MYH11: variants seen among roughly 807,000 people sequenced by gnomAD.
MYH11 encodes the protein myosin heavy chain 11, also known as myosin-11.
In MYH11, 80 loss-of-function variants were observed where a neutral mutation model predicts 246.6. The ratio of observed to expected loss-of-function variants is 0.32; its 90% CI spans 0.27 to 0.39. The LOEUF is 0.39. Among genes scored for constraint, MYH11 ranks in the 10% least tolerant of loss-of-function variants. The pLI is 1.00. For missense variants in MYH11, 2,158 were observed against 2,546.8 expected, an observed-to-expected ratio of 0.85 and a Z score of 3.29; for synonymous variants, 1,071 against 1,015.5, an observed-to-expected ratio of 1.05 and a Z score of -1.04.
intron 16 of MYH11, chr16:15,749,797 C>A: frequency 2.3e-6 from 1 of 438,988 alleles, no homozygotes; most frequent in African/African-American, 2.0e-5. Context: ...ATGCCTGCAC[C>A]AGATTATGAG....
In MYH11 at chr16:15,771,435, CTT is replaced by C. The variant is rs200813930; in HGVS notation, c.1033+132_1033+133del. On this transcript the variant is annotated intron_variant, in intron 9 of 40. Coordinates refer to ENST00000300036, the MANE Select transcript of MYH11 (RefSeq NM_002474.3). ...ACCTAGAATAAAATTCATTTTCCTC[CTT>C]TTTTTTTTTTTTTTTTAATGGAAGG... is the stretch of plus-strand genomic sequence containing the variant. The C allele has an allele frequency of 0.1, 68,658 of 674,004 alleles. 684 individuals carry two copies. The highest frequency in any genetic ancestry group is 0.2 in the African/African-American group (9,828 of 49,956). The allele number at this position is 674,004 out of a possible 1,614,324, so 41.8% of individuals were successfully genotyped here. A position where few individuals can be genotyped will look rare whatever the true frequency, so the allele number is the denominator to read the frequency against.
At chr16:15,810,169 G>A (rs891949564) in intron 3 of MYH11, among the ~76,000 whole-genome samples, 4 of 151,756 alleles carry the variant, frequency 2.6e-5, no homozygotes, top group African/African-American at 9.7e-5. Flanking sequence ...GAGTAGCTGG[G>A]ATTATAGTCG....
chr16:15,801,841 A>C (rs1467480773), intron 3 of MYH11, among the ~76,000 whole-genome samples: 1 of 150,718 alleles, frequency 6.6e-6, no homozygotes, highest in Non-Finnish European at 1.5e-5. Flanking sequence ...CCTGTAATCC[A>C]AGGTACTCCG....
chr16:15,836,986 G>C (rs1044860868), intron 2 of MYH11, among the ~76,000 whole-genome samples: 6 of 151,958 alleles, frequency 3.9e-5, no homozygotes, highest in African/African-American at 1.4e-4. Context: ...TGGCCTCCCA[G>C]CGTGCTGGGA....
At chr16:15,820,559 C>T (rs1040951545) in intron 3 of MYH11, among the ~76,000 whole-genome samples, 3 of 151,242 alleles carry the variant, frequency 2.0e-5, no homozygotes, top group Admixed American at 1.3e-4. Context: ...ACGCTAAGAC[C>T]ACAGGGGCTT....
chr16:15,726,669 G>T (rs1282645412), intron 28 of MYH11, 179 bp downstream of exon 28: 5 of 767,128 alleles, frequency 6.5e-6, no homozygotes, highest in South Asian at 6.3e-5. Flanking sequence ...TGCCTGGCCA[G>T]AAGGTTTTTT....
chr16:15,777,775 T>C (rs1246738138), intron 7 of MYH11, among the ~76,000 whole-genome samples: 1 of 152,140 alleles, frequency 6.6e-6, no homozygotes, highest in African/African-American at 2.4e-5. Context: ...CTGTGCATAT[T>C]ATTATGCATA....
At position 15,829,184 on chromosome 16, in the gene MYH11, G is replaced by GA. The variant is rs34486570; in HGVS notation, c.346-5774dup. On this transcript the variant is annotated intron_variant, in intron 2 of 40. Transcript: ENST00000300036. ...GGTGACAAAGTGAGACTGTCTCAAAGAAAAAAAAAAAAAGAATAAAATGAA... is the reference window on the plus strand; with the variant it reads ...GGTGACAAAGTGAGACTGTCTCAAAGAAAAAAAAAAAAAAGAATAAAATGAA... 1.2e-3 allele frequency among the ~76,000 whole-genome samples: 150 copies of GA among 125,002 alleles called. 1 individual carries two copies. Among genetic ancestry groups the GA allele is most frequent in the Admixed American group, 5.7e-3 (72 of 12,642 alleles). The allele number at this position is 125,002 out of a possible 152,430, so 82.0% of individuals were successfully genotyped here. A position where few individuals can be genotyped will look rare whatever the true frequency, so the allele number is the denominator to read the frequency against.
intron 9 of MYH11, among the ~76,000 whole-genome samples, chr16:15,768,909 GC>G (rs1355991840): frequency 1.3e-5 from 2 of 152,158 alleles, no homozygotes; most frequent in Non-Finnish European, 1.5e-5. Flanking sequence ...ACTTTGGGAG[GC>G]CAAGGTGGGC....
intron 38 of MYH11, among the ~76,000 whole-genome samples, chr16:15,715,599 G>A (rs2040083429): frequency 6.6e-6 from 1 of 152,158 alleles, no homozygotes; most frequent in African/African-American, 2.4e-5. Flanking sequence ...GGGACTGAAG[G>A]GAGTGGTTAC....
At chr16:15,768,465 T>C (rs756046675) in intron 9 of MYH11, among the ~76,000 whole-genome samples, 21 of 152,084 alleles carry the variant, frequency 1.4e-4, no homozygotes, top group Admixed American at 1.2e-3. Context: ...CCCTTCTCCA[T>C]AGGCCCCTTG....
rs878854164 is a variant in MYH11, at chr16:15,741,481, C to A, written c.2841G>T (p.Lys947Asn). 3 of 1,608,538 alleles carry A rather than the reference C, an allele frequency of 1.9e-6. No homozygotes were observed. The highest frequency in any genetic ancestry group is 2.5e-6 in the Non-Finnish European group (3 of 1,179,998). Reference protein sequence around the residue: ...RGQQLQAERKKMAQQMLDLEE... With the variant: ...RGQQLQAERKNMAQQMLDLEE... Reference sequence around the variant, plus strand: ...ACCTTACCAGCATCTGCTGGGCCATCTTCTTCCTTTCAGCCTGTAGCTGCT... The same window carrying A: ...ACCTTACCAGCATCTGCTGGGCCATATTCTTCCTTTCAGCCTGTAGCTGCT... Residue 947 changes from lysine to asparagine, a missense_variant, in exon 22 of 41, where the codon AAG (lysine) becomes AAT (asparagine). By Grantham distance (94) the Lys-to-Asn change is moderately conservative (BLOSUM62 0). Transcript: ENST00000300036.
chr16:15,745,332 C>G (rs143192875), intron 19 of MYH11, 95 bp from the exon 20 acceptor site: 2 of 835,796 alleles, frequency 2.4e-6, no homozygotes, highest in Non-Finnish European at 4.0e-6. Context: ...TGCACAGGGA[C>G]ATGCCCCAAT....
At chr16:15,790,138 C>T (rs888762711) in intron 4 of MYH11, among the ~76,000 whole-genome samples, 1 of 152,134 alleles carries the variant, frequency 6.6e-6, no homozygotes, top group African/African-American at 2.4e-5. Flanking sequence ...AACCCTGTCT[C>T]TACTAAAAAT....
chr16:15,712,060 C>G (rs1036254898), intron 40 of MYH11, among the ~76,000 whole-genome samples: 4 of 152,008 alleles, frequency 2.6e-5, no homozygotes, highest in African/African-American at 9.7e-5. Flanking sequence ...TAAAGGAGAC[C>G]AAAACGTTAA....
At chr16:15,856,170 G>A (rs2044461983) in intron 1 of MYH11, among the ~76,000 whole-genome samples, 1 of 151,514 alleles carries the variant, frequency 6.6e-6, no homozygotes, top group Non-Finnish European at 1.5e-5. Flanking sequence ...GGAGACTTTG[G>A]AGCCCACCTG....
At chr16:15,784,626 A>G (rs1201187689) in intron 5 of MYH11, 2 of 1,559,526 alleles carry the variant, frequency 1.3e-6, no homozygotes, top group African/African-American at 2.7e-5. Context: ...CGGTGGGTGC[A>G]AGAGGATCAT....
At chr16:15,719,564 C>G (rs749637772) in intron 35 of MYH11, 21 bp downstream of exon 35, 2 of 1,613,678 alleles carry the variant, frequency 1.2e-6, no homozygotes, top group East Asian at 2.2e-5. Context: ...CTGAGGCTCT[C>G]CTAGCAAGGC....
chr16:15,778,963 C>T (rs138092849), intron 6 of MYH11, 120 bp from the exon 7 acceptor site: 22 of 964,410 alleles, frequency 2.3e-5, no homozygotes, highest in African/African-American at 1.3e-4. Context: ...GAGATTCTTG[C>T]GAACACTCAG....
Sources: gnomAD v4.1 joint callset for allele counts (sites outside exome capture counted in the v4.1 genomes callset) on GRCh38, gnomAD v4.1.1 for gene constraint, MANE v1.5 for transcripts, NCBI Gene and HGNC (gene_info 2026-07-23, HGNC 2026-07-21) for gene names.